DSCAML1: variants seen among roughly 807,000 people sequenced by gnomAD.
DSCAML1 encodes DS cell adhesion molecule like 1.
DSCAML1 carries 38 observed loss-of-function variants against 200.5 expected under a neutral mutation model. That is an observed-to-expected ratio of 0.19 (90% CI 0.15 to 0.25). DSCAML1 has a LOEUF of 0.25. Among genes scored for constraint, DSCAML1 ranks in the 10% least tolerant of loss-of-function variants. The pLI, the probability that DSCAML1 is intolerant of heterozygous loss-of-function variation, is 1.00. For synonymous variants in DSCAML1, 1,215 were observed against 1,165.0 expected, an observed-to-expected ratio of 1.04 and a Z score of -0.87; for missense variants, 2,223 against 2,858.8, an observed-to-expected ratio of 0.78 and a Z score of 5.07.
chr11:117,450,359 G>C (rs1301024972), intron 20 of DSCAML1, among the ~76,000 whole-genome samples, 190 bp downstream of exon 20: 1 of 152,238 alleles, frequency 6.6e-6, no homozygotes, highest in East Asian at 1.9e-4. Flanking sequence ...CTGGAACAGA[G>C]GACTGACCCA....
chr11:117,594,960 CA>C (rs2051332824), intron 3 of DSCAML1, among the ~76,000 whole-genome samples: 1 of 152,086 alleles, frequency 6.6e-6, no homozygotes, highest in Non-Finnish European at 1.5e-5. Context: ...CTCAATAGTT[CA>C]CCATTGCCGT....
intron 3 of DSCAML1, among the ~76,000 whole-genome samples, chr11:117,645,920 G>GA (rs1290304583): frequency 6.6e-6 from 1 of 150,756 alleles, no homozygotes; most frequent in Non-Finnish European, 1.5e-5. Flanking sequence ...ATAAATAAAA[G>GA]AAAAAAAAGA....
intron 20 of DSCAML1, among the ~76,000 whole-genome samples, chr11:117,449,494 G>A (rs1028962885): frequency 4.6e-5 from 7 of 152,128 alleles, no homozygotes; most frequent in Admixed American, 1.3e-4. Flanking sequence ...GAGTATAGGA[G>A]GAGATGATGA....
rs960537269 is a variant in DSCAML1 at position 117,428,546 on chromosome 11, C to T, written c.5944G>A (p.Gly1982Ser). The stretch of plus-strand genomic sequence containing the variant: ...GGGCCGGGGGCTGGGGGGGCTGTGC[C>T]GGCTGGGGGGGCTGGCATGGCCAGA... Reference protein sequence around the residue: ...RTLAMPAPPAGTAPPAPGPTP... With the variant: ...RTLAMPAPPASTAPPAPGPTP... The change falls in exon 33 of 33, where the codon GGC becomes AGC. Residue 1982 changes from glycine to serine, a missense_variant. This residue lies in a region of DSCAML1 where 280 missense variants were observed against 213.4 expected (regional missense o/e 1.31). Transcript: ENST00000651296. 9.1e-5 allele frequency: 138 copies of T among 1,520,202 alleles called. 1 individual carries two copies. The highest frequency in any genetic ancestry group is 3.8e-4 in the Admixed American group (19 of 50,644). 94.2% of individuals were successfully genotyped at this position (1,520,202 alleles called of 1,614,324 possible).
At chr11:117,658,088 G>C (rs896366734) in intron 3 of DSCAML1, among the ~76,000 whole-genome samples, 4 of 152,136 alleles carry the variant, frequency 2.6e-5, no homozygotes, top group Non-Finnish European at 5.9e-5. Context: ...GCAACTGCCT[G>C]CTAATTGACA....
intron 11 of DSCAML1, among the ~76,000 whole-genome samples, chr11:117,484,565 G>A (rs888520195): frequency 1.3e-5 from 2 of 152,236 alleles, no homozygotes; most frequent in Non-Finnish European, 2.9e-5. Flanking sequence ...AAAGCCTGCA[G>A]TCAGAGACAT....
chr11:117,475,085 C>G (rs752945390), intron 14 of DSCAML1, among the ~76,000 whole-genome samples: 3 of 152,096 alleles, frequency 2.0e-5, no homozygotes, highest in Non-Finnish European at 4.4e-5. Flanking sequence ...TTCCGCTTCC[C>G]TCCATCCCCA....
intron 3 of DSCAML1, among the ~76,000 whole-genome samples, chr11:117,572,606 G>A (rs1048771553): frequency 2.0e-5 from 3 of 152,172 alleles, no homozygotes; most frequent in African/African-American, 7.2e-5. Flanking sequence ...TGGGCAAATA[G>A]TGCTCAATAA....
rs770713645 is a variant in DSCAML1 at position 117,516,474 on chromosome 11, G to C, written c.1776C>G (p.Ala592=). ...QLSISQSVHV[A]VKVPPLIQPF... ...CTGGTGAGGGAGGCCTACCTTTGAC[G>C]GCTACGTGAACGCTCTGGCTGATGG... is the stretch of plus-strand genomic sequence containing the variant. The change falls in exon 8 of 33, where the codon GCC becomes GCG. Residue 592 remains alanine, a synonymous_variant. Coordinates refer to ENST00000651296, the MANE Select transcript of DSCAML1 (RefSeq NM_020693.4). The surrounding 1 kb of genome is among the most constrained non-coding windows in gnomAD (Gnocchi z 5.7). 1 of 1,611,858 alleles carries C rather than the reference G, an allele frequency of 6.2e-7. No homozygotes were observed. The highest frequency in any genetic ancestry group is 1.3e-5 in the African/African-American group (1 of 74,894).
chr11:117,805,146 T>C (rs1412197075), intron 1 of DSCAML1, among the ~76,000 whole-genome samples: 3 of 152,206 alleles, frequency 2.0e-5, no homozygotes, highest in South Asian at 2.1e-4. Flanking sequence ...GTAATCCTGA[T>C]GTGGATTATT....
intron 14 of DSCAML1, among the ~76,000 whole-genome samples, chr11:117,472,520 G>C (rs1391329627): frequency 6.6e-6 from 1 of 152,150 alleles, no homozygotes; most frequent in Non-Finnish European, 1.5e-5. Context: ...TTGTGCACTT[G>C]TGAGGTGATG....
intron 3 of DSCAML1, among the ~76,000 whole-genome samples, chr11:117,577,899 C>T (rs563781111): frequency 1.3e-5 from 2 of 151,654 alleles, no homozygotes; most frequent in Admixed American, 6.6e-5. Flanking sequence ...ACCTGGTCCA[C>T]CAGAGGCATT....
At chr11:117,491,205 G>C (rs2049175455) in intron 11 of DSCAML1, among the ~76,000 whole-genome samples, 1 of 152,172 alleles carries the variant, frequency 6.6e-6, no homozygotes, top group Non-Finnish European at 1.5e-5. Context: ...AAGGAAGCCT[G>C]GGTACATCTT....
chr11:117,719,900 C>A (rs2054014943), intron 3 of DSCAML1, among the ~76,000 whole-genome samples: 1 of 152,202 alleles, frequency 6.6e-6, no homozygotes, highest in Non-Finnish European at 1.5e-5. Context: ...CTGACTGTGC[C>A]CACCTGTCCC....
At chr11:117,536,278 G>A (rs1281491573) in intron 3 of DSCAML1, among the ~76,000 whole-genome samples, 2 of 152,174 alleles carry the variant, frequency 1.3e-5, no homozygotes, top group Non-Finnish European at 2.9e-5. Context: ...TGTGGAGAGC[G>A]GAGGGAGGCC....
intron 27 of DSCAML1, 62 bp downstream of exon 27, chr11:117,435,582 G>A (rs749439112): frequency 4.6e-6 from 7 of 1,526,804 alleles, no homozygotes; most frequent in Non-Finnish European, 5.3e-6. Context: ...CAGGGAAGGG[G>A]GGGGACAATG....
At chr11:117,720,535 G>C (rs1035903459) in intron 3 of DSCAML1, among the ~76,000 whole-genome samples, 6 of 152,182 alleles carry the variant, frequency 3.9e-5, no homozygotes, top group Admixed American at 2.0e-4. Context: ...GCGAATGAAG[G>C]GGGTAAAAAC....
At chr11:117,474,857 C>T (rs903543462) in intron 14 of DSCAML1, among the ~76,000 whole-genome samples, 6 of 151,928 alleles carry the variant, frequency 3.9e-5, no homozygotes, top group African/African-American at 1.4e-4. Context: ...CGGGTTCGTG[C>T]CATTCTCCTG....
chr11:117,453,277 C>A (rs773292197), intron 19 of DSCAML1, among the ~76,000 whole-genome samples: 16 of 151,862 alleles, frequency 1.1e-4, no homozygotes, highest in Non-Finnish European at 2.1e-4. Flanking sequence ...TCATCATCAT[C>A]ACTGCTGTTT....
Sources: allele counts gnomAD v4.1 joint callset (sites outside exome capture counted in the v4.1 genomes callset), GRCh38; gene constraint gnomAD v4.1.1; regional missense constraint gnomAD v4.1.1; non-coding constraint Gnocchi (gnomAD v3.1); transcripts MANE v1.5; gene names NCBI Gene and HGNC (gene_info 2026-07-23, HGNC 2026-07-21).